The following HMCN2 variants were observed in gnomAD, a reference collection of about 807,000 sequenced individuals.
The protein encoded by HMCN2 is hemicentin-2.
A neutral mutation model predicts 377.5 loss-of-function variants in HMCN2; 325 were observed. The ratio of observed to expected loss-of-function variants is 0.86; its 90% CI spans 0.79 to 0.94. HMCN2 has a LOEUF of 0.94. Ranked by LOEUF, HMCN2 falls within the 40% of genes least tolerant of loss-of-function variation. The pLI, the probability that HMCN2 is intolerant of heterozygous loss-of-function variation, is 0.00. For missense variants in HMCN2, 4,543 were observed against 4,725.3 expected (o/e 0.96, Z 1.13); for synonymous variants, 2,007 against 2,046.8 (o/e 0.98, Z 0.53).
rs1053971953 is a variant in HMCN2, at chr9:130,351,602, C to T, written c.4585+25C>T. The T allele has an allele frequency of 2.3e-6, 3 of 1,292,864 alleles. No homozygotes were observed. Among genetic ancestry groups the T allele is most frequent in the Non-Finnish European group, 3.1e-6 (3 of 981,164 alleles). 80.1% of individuals were successfully genotyped at this position (1,292,864 alleles called of 1,614,324 possible). Reference sequence around the variant, plus strand: ...GGTGAGCCCCCACGCCTTCTGGGACCCCGCCACAGGCTACTCAGGAAGCTT... The same window carrying T: ...GGTGAGCCCCCACGCCTTCTGGGACTCCGCCACAGGCTACTCAGGAAGCTT... On this transcript the variant is annotated intron_variant, in intron 30 of 97. Transcript: ENST00000683500. The surrounding 1 kb of genome is among the most constrained non-coding windows in gnomAD (Gnocchi z 5.4).
At position 130,425,863 on chromosome 9, in the gene HMCN2, C is replaced by G. The variant is rs1355138009; in HGVS notation, c.13818C>G (p.Ser4606Arg). The change falls in exon 90 of 98, where the codon AGC (serine) becomes AGG (arginine). Residue 4606 changes from serine to arginine, a missense_variant. Transcript: ENST00000683500. The stretch of plus-strand genomic sequence containing the variant: ...AGCACCTGCGGGCCTCAGCTATCAG[C>G]TCGGCCTTTGATCCAGAGGCCGAGG... ...LVQHLRASAISSAFDPEAEAL... is the reference protein window; with the variant it reads ...LVQHLRASAIRSAFDPEAEAL... 1.3e-6 allele frequency: 2 copies of G among 1,550,422 alleles called. No homozygotes were observed. The highest frequency in any genetic ancestry group is 3.9e-5 in the Admixed American group (2 of 51,006).
intron 94 of HMCN2, chr9:130,430,070 C>G: frequency 1.6e-6 from 1 of 609,790 alleles, no homozygotes; most frequent in Non-Finnish European, 2.9e-6. Flanking sequence ...AGGCTGAGAG[C>G]TGGGGAGGCT....
At position 130,265,954 on chromosome 9, in the gene HMCN2, C is replaced by T. The variant is rs2131191026; in HGVS notation, c.76C>T (p.Pro26Ser). Residue 26 changes from proline to serine, a missense_variant, in exon 1 of 98, where the codon CCC becomes TCC. By Grantham distance (74) the Pro-to-Ser change is moderately conservative (BLOSUM62 -1). Transcript: ENST00000683500. ...AGTGGCAGTGGCAGTGGCCGGGGCG[C>T]CCGGGACGGTAATGCCCCCCACCAC... is the stretch of plus-strand genomic sequence containing the variant. ...AAVAVAVAGA[P>S]GTVMPPTTGD... 1 of 453,254 alleles carries T rather than the reference C, an allele frequency of 2.2e-6. No individual in the cohort carries two copies. 28.1% of individuals were successfully genotyped at this position (453,254 alleles called of 1,614,324 possible).
intron 86 of HMCN2, among the ~76,000 whole-genome samples, chr9:130,420,633 G>A (rs1843954359): frequency 6.6e-6 from 1 of 152,026 alleles, no homozygotes; most frequent in East Asian, 2.0e-4. Flanking sequence ...CTCTCTCCCA[G>A]GGTCTTGGTG....
In HMCN2 at chr9:130,388,560, T is replaced by C; in HGVS notation, c.9523+20T>C. The C allele has an allele frequency of 1.0e-6, 1 of 988,086 alleles. No homozygotes were observed. The highest frequency in any genetic ancestry group is 1.2e-6 in the Non-Finnish European group (1 of 830,100). The allele number at this position is 988,086 out of a possible 1,614,324, so 61.2% of individuals were successfully genotyped here. ...CTGTGGGTGAGCACATCTGTCCTTG[T>C]CTGTTTCGCGTAAAGCATTCCTTTC... is the stretch of plus-strand genomic sequence containing the variant. On this transcript the variant is annotated intron_variant, in intron 62 of 97. Transcript: ENST00000683500.
At chr9:130,376,049 G>T (rs538980545) in intron 51 of HMCN2, 60 bp downstream of exon 51, 16 of 750,268 alleles carry the variant, frequency 2.1e-5, no homozygotes, top group East Asian at 1.3e-4. Flanking sequence ...GAACCTAGGG[G>T]CCCAGGCACC....
At chr9:130,283,852 T>C (rs1279866011) in intron 1 of HMCN2, among the ~76,000 whole-genome samples, 2 of 152,242 alleles carry the variant, frequency 1.3e-5, no homozygotes, top group African/African-American at 4.8e-5. Context: ...TGTTGGACTA[T>C]TGTGAATACA....
chr9:130,421,368 T>A (rs1843998651), intron 86 of HMCN2, among the ~76,000 whole-genome samples: 1 of 152,186 alleles, frequency 6.6e-6, no homozygotes, highest in African/African-American at 2.4e-5. Context: ...TTAAGGGGCA[T>A]GGGTGGGTGA....
chr9:130,277,997 C>T (rs59943713), intron 1 of HMCN2, among the ~76,000 whole-genome samples: 55,622 of 72,410 alleles, frequency 0.77, 22,947 homozygotes, highest in African/African-American at 0.91. Flanking sequence ...ACGATCATCA[C>T]CACCACCACC....
chr9:130,291,263 G>A (rs151000646), intron 4 of HMCN2, among the ~76,000 whole-genome samples: 61 of 152,330 alleles, frequency 4.0e-4, no homozygotes, highest in African/African-American at 1.4e-3. Flanking sequence ...AAGCTGGAAT[G>A]CAGTGGCATG....
In HMCN2 at chr9:130,425,844, T is replaced by C; in HGVS notation, c.13799T>C (p.Leu4600Pro). ...RGPQPQLVQH[L>P]RASAISSAFD... Reference sequence around the variant, plus strand: ...CCCCAGCCCCAGCTGGTGCAGCACCTGCGGGCCTCAGCTATCAGCTCGGCC... The same window carrying C: ...CCCCAGCCCCAGCTGGTGCAGCACCCGCGGGCCTCAGCTATCAGCTCGGCC... Residue 4600 changes from leucine to proline, a missense_variant, in exon 90 of 98, where the codon CTG becomes CCG. Leu to Pro is a moderately conservative substitution (Grantham distance 98). Around this residue, in one of 5 missense-constraint regions of HMCN2, gnomAD observed 1,155 missense variants for 1,157.7 expected, o/e 1.00. Coordinates refer to ENST00000683500, the MANE Select transcript of HMCN2 (RefSeq NM_001291815.2). 6.4e-7 allele frequency: 1 copy of C among 1,550,416 alleles called. No individual in the cohort carries two copies. The highest frequency in any genetic ancestry group is 2.4e-5 in the East Asian group (1 of 40,880).
intron 34 of HMCN2, among the ~76,000 whole-genome samples, chr9:130,357,448 T>G (rs1228468034): frequency 5.1e-4 from 52 of 101,278 alleles, no homozygotes; most frequent in African/African-American, 5.8e-4. Context: ...ATGAGTGGAT[T>G]GATGGATGGG....
chr9:130,406,143 G>A lies in HMCN2; in HGVS notation c.12528G>A (p.Trp4176Ter), dbSNP rs1184141763. 3.9e-6 allele frequency: 5 copies of A among 1,289,734 alleles called. No homozygotes were observed. The highest frequency in any genetic ancestry group is 5.1e-6 in the Non-Finnish European group (5 of 988,872). 79.9% of individuals were successfully genotyped at this position (1,289,734 alleles called of 1,614,324 possible). Residue 4176 changes from tryptophan to a stop codon, truncating the protein, a stop_gained, in exon 82 of 98, where the codon TGG becomes TGA. Coordinates refer to ENST00000683500, the MANE Select transcript of HMCN2 (RefSeq NM_001291815.2). LOFTEE classifies it high-confidence loss of function. Reference sequence around the variant, plus strand: ...GCAGCCCCACCCCTCGCATTGGCTGGACTGTCAACGACCGGCCAGTCACAG... The same window carrying A: ...GCAGCCCCACCCCTCGCATTGGCTGAACTGTCAACGACCGGCCAGTCACAG... ...ARGSPTPRIGWTVNDRPVTEG... is the reference protein window; with the variant it reads ...ARGSPTPRIG
At chr9:130,301,320 T>G (rs1836495785) in intron 8 of HMCN2, among the ~76,000 whole-genome samples, 1 of 152,276 alleles carries the variant, frequency 6.6e-6, no homozygotes, top group Admixed American at 6.5e-5. Flanking sequence ...TCTATTTTCT[T>G]TCCCCTGTTC....
At chr9:130,325,092 TC>T (rs1838059412) in intron 19 of HMCN2, among the ~76,000 whole-genome samples, 3 of 70,662 alleles carry the variant, frequency 4.2e-5, no homozygotes, top group South Asian at 5.3e-4. Context: ...TTCTTCTTCT[TC>T]TTCTTTTTTT....
intron 1 of HMCN2, among the ~76,000 whole-genome samples, chr9:130,277,861 A>G (rs1834823130): frequency 7.5e-5 from 2 of 26,582 alleles, no homozygotes; most frequent in African/African-American, 3.3e-4. Context: ...CACCACCACC[A>G]TCATCATCAT....
intron 27 of HMCN2, 73 bp from the exon 28 acceptor site, chr9:130,348,910 GT>G (rs907200192): frequency 1.3e-5 from 17 of 1,259,674 alleles, no homozygotes; most frequent in Non-Finnish European, 1.7e-5. Context: ...TCGGGCCTCA[GT>G]TTCCTCATTA....
chr9:130,278,009 T>C lies in HMCN2; in HGVS notation c.260-6594T>C, dbSNP rs58505508. On this transcript the variant is annotated intron_variant, in intron 1 of 97. Coordinates refer to ENST00000683500, the MANE Select transcript of HMCN2 (RefSeq NM_001291815.2). ...ACCACGATCATCACCACCACCACCA[T>C]CATCATCACCACCACCACGATCATC... 1.2e-3 allele frequency among the ~76,000 whole-genome samples: 50 copies of C among 43,154 alleles called. 16 individuals carry two copies. The highest frequency in any genetic ancestry group is 9.7e-3 in the African/African-American group (47 of 4,840). The allele number at this position is 43,154 out of a possible 152,430, so 28.3% of individuals were successfully genotyped here. A position where few individuals can be genotyped will look rare whatever the true frequency, so the allele number is the denominator to read the frequency against.
chr9:130,332,681 C>T (rs1001336317), intron 22 of HMCN2, among the ~76,000 whole-genome samples: 1 of 152,256 alleles, frequency 6.6e-6, no homozygotes. Context: ...GCATGACCTT[C>T]CCTCATGTGG....
Sources: allele counts gnomAD v4.1 joint callset (sites outside exome capture counted in the v4.1 genomes callset), GRCh38; gene constraint gnomAD v4.1.1; regional missense constraint gnomAD v4.1.1; non-coding constraint Gnocchi (gnomAD v3.1); transcripts MANE v1.5; gene names NCBI Gene and HGNC (gene_info 2026-07-23, HGNC 2026-07-21).